ZIM2: variants seen among roughly 807,000 people sequenced by gnomAD.
ZIM2 encodes zinc finger imprinted 2, also known as zinc finger protein 656.
Under a neutral mutation model 38.6 loss-of-function variants are expected in ZIM2, and 14 were observed. The observed-to-expected ratio is 0.36, with a 90% CI of 0.24 to 0.57. The LOEUF (loss-of-function observed/expected upper bound fraction) is 0.57. ZIM2 is among the 20% of genes least tolerant of loss of function. The pLI is 0.81. For missense variants in ZIM2, 680 were observed against 695.1 expected (o/e 0.98, Z 0.24); for synonymous variants, 247 against 245.8 (o/e 1.00, Z -0.04).
At chr19:56,792,024 GTTTTTTTT>G (rs36087082) in intron 9 of ZIM2, among the ~76,000 whole-genome samples, 20 of 134,612 alleles carry the variant, frequency 1.5e-4, no homozygotes, top group Admixed American at 4.5e-4. Context: ...AATCCCAGGA[GTTTTTTTT>G]TTTTTTTTGT....
At chr19:56,818,395 T>C (rs1287564650) in intron 8 of ZIM2, among the ~76,000 whole-genome samples, 1 of 152,198 alleles carries the variant, frequency 6.6e-6, no homozygotes, top group African/African-American at 2.4e-5. Flanking sequence ...CCCTGTACAA[T>C]GTATCTTTAC....
rs779117157 is a variant in ZIM2 at position 56,815,925 on chromosome 19, CACT to C, written c.490+1818_490+1820del. On this transcript the variant is annotated intron_variant, in intron 9 of 12. Transcript: ENST00000629319. Reference sequence around the variant, plus strand: ...TGTGACTTCTTGGAGGTTTGGAAGCCACTAAGCTATGGATAACAGACCTACTGT... The same window carrying C: ...TGTGACTTCTTGGAGGTTTGGAAGCCAAGCTATGGATAACAGACCTACTGT... The C allele has an allele frequency of 1.3e-4, 203 of 1,608,366 alleles. 1 individual carries two copies. Among genetic ancestry groups the C allele is most frequent in the Middle Eastern group, 5.0e-4 (3 of 6,034 alleles).
At position 56,775,086 on chromosome 19, in the gene ZIM2, A is replaced by G. The variant is rs1263352630; in HGVS notation, c.1279T>C (p.Cys427Arg). The G allele has an allele frequency of 6.2e-6, 10 of 1,614,104 alleles. No individual in the cohort carries two copies. In the Admixed American group the frequency reaches 1.0e-4, roughly 16 times the overall value. ...CNEGRKPSVQ[C>R]ANLCERVRIH... ...CTTACACGTTCACAGAGATTCGCAC[A>G]CTGGACGGAAGGCTTTCTACCTTCA... The change falls in exon 13 of 13, where the codon TGT becomes CGT. Residue 427 changes from cysteine to arginine, a missense_variant. Cys to Arg is a radical substitution (Grantham distance 180). Transcript: ENST00000629319.
intron 12 of ZIM2, among the ~76,000 whole-genome samples, chr19:56,779,091 C>A (rs2046181162): frequency 6.6e-6 from 1 of 151,932 alleles, no homozygotes; most frequent in African/African-American, 2.4e-5. Flanking sequence ...TTGTTTGTCT[C>A]AGTTAAAGAG....
chr19:56,779,719 A>G (rs902139529), intron 11 of ZIM2, among the ~76,000 whole-genome samples: 2 of 152,126 alleles, frequency 1.3e-5, no homozygotes, highest in Non-Finnish European at 2.9e-5. Context: ...GACACTGCTC[A>G]ACATTCTGCA....
At chr19:56,778,229 G>A (rs1321561695) in intron 12 of ZIM2, among the ~76,000 whole-genome samples, 1 of 152,196 alleles carries the variant, frequency 6.6e-6, no homozygotes, top group African/African-American at 2.4e-5. Flanking sequence ...CAGATACTAG[G>A]ACAGTATCTG....
chr19:56,803,084 G>A (rs2047602098), intron 9 of ZIM2, among the ~76,000 whole-genome samples: 1 of 152,174 alleles, frequency 6.6e-6, no homozygotes, highest in Admixed American at 6.5e-5. Flanking sequence ...TTTCAAAAGA[G>A]ACAAAAAAGT....
chr19:56,810,134 C>A, intron 9 of ZIM2: 1 of 968,430 alleles, frequency 1.0e-6, no homozygotes, highest in Non-Finnish European at 1.2e-6. Flanking sequence ...AGAATGACCA[C>A]AACCATATTA....
At chr19:56,820,498 C>T (rs1020583857) in intron 7 of ZIM2, among the ~76,000 whole-genome samples, 1 of 152,218 alleles carries the variant, frequency 6.6e-6, no homozygotes, top group Non-Finnish European at 1.5e-5. Flanking sequence ...CACATGCCTC[C>T]AGCCTTCTTC....
At chr19:56,817,269 C>A in intron 9 of ZIM2, 1 of 1,614,168 alleles carries the variant, frequency 6.2e-7, no homozygotes, top group Non-Finnish European at 8.5e-7. Context: ...GATAGCGCCT[C>A]TTTCTTTCAA....
intron 9 of ZIM2, among the ~76,000 whole-genome samples, chr19:56,805,092 C>T (rs772538335): frequency 2.0e-5 from 3 of 152,160 alleles, no homozygotes; most frequent in African/African-American, 7.2e-5. Flanking sequence ...TCAGCCTTGG[C>T]TCTACTGACA....
At chr19:56,824,888 C>T in intron 3 of ZIM2, 1 of 506,566 alleles carries the variant, frequency 2.0e-6, no homozygotes, top group South Asian at 3.0e-5. Context: ...TTGGCCTCAG[C>T]ACAGCAGTTA....
chr19:56,825,990 T>C (rs1157240474), intron 3 of ZIM2, among the ~76,000 whole-genome samples: 2 of 152,320 alleles, frequency 1.3e-5, no homozygotes, highest in East Asian at 3.9e-4. Flanking sequence ...CTCTCCTGCA[T>C]ATTATCATCC....
At chr19:56,796,194 A>C (rs764018444) in intron 9 of ZIM2, among the ~76,000 whole-genome samples, 4 of 152,158 alleles carry the variant, frequency 2.6e-5, no homozygotes, top group Non-Finnish European at 5.9e-5. Flanking sequence ...AATTTTGTGG[A>C]CGCTGAAGCC....
At chr19:56,818,729 A>G (rs1319130804) in intron 7 of ZIM2, 27 bp from the exon 8 acceptor site, 2 of 1,604,518 alleles carry the variant, frequency 1.2e-6, no homozygotes, top group Non-Finnish European at 1.7e-6. Context: ...AGACCTCTCA[A>G]TGGAGTCTGT....
intron 2 of ZIM2, 88 bp downstream of exon 2, chr19:56,835,930 C>T (rs1391025289): frequency 2.2e-6 from 1 of 455,550 alleles, no homozygotes; most frequent in African/African-American, 2.0e-5. Flanking sequence ...ATGTGGAACA[C>T]ATATGCAGTA....
intron 6 of ZIM2, among the ~76,000 whole-genome samples, chr19:56,822,018 G>A (rs749394726): frequency 6.6e-6 from 1 of 152,136 alleles, no homozygotes; most frequent in African/African-American, 2.4e-5. Flanking sequence ...CCCAAGCTGT[G>A]TGGGTCCAGG....
chr19:56,786,007 C>T (rs1215753428), intron 10 of ZIM2, among the ~76,000 whole-genome samples: 1 of 152,120 alleles, frequency 6.6e-6, no homozygotes, highest in Non-Finnish European at 1.5e-5. Flanking sequence ...AGAAACCCTG[C>T]ACCTTCTAGC....
chr19:56,827,469 T>C (rs756259676), intron 2 of ZIM2, among the ~76,000 whole-genome samples: 2 of 151,970 alleles, frequency 1.3e-5, no homozygotes, highest in Non-Finnish European at 2.9e-5. Flanking sequence ...GGAAACTCAT[T>C]TGGGAGTAAA....
Sources: allele counts gnomAD v4.1 joint callset (sites outside exome capture counted in the v4.1 genomes callset), GRCh38; gene constraint gnomAD v4.1.1; transcripts MANE v1.5; gene names NCBI Gene and HGNC (gene_info 2026-07-23, HGNC 2026-07-21).